SPTLC2: variants seen among roughly 807,000 people sequenced by gnomAD.
SPTLC2 encodes serine palmitoyltransferase 2.
Under a neutral mutation model 62.0 loss-of-function variants are expected in SPTLC2, and 21 were observed. That is an observed-to-expected ratio of 0.34 (90% CI 0.24 to 0.49). SPTLC2 has a LOEUF of 0.49. SPTLC2 is among the 20% of genes least tolerant of loss of function. The pLI, the probability that SPTLC2 is intolerant of heterozygous loss-of-function variation, is 0.99. For missense variants in SPTLC2, 511 were observed against 713.0 expected, an observed-to-expected ratio of 0.72 and a Z score of 3.23; for synonymous variants, 261 against 261.8, an observed-to-expected ratio of 1.00 and a Z score of 0.03.
intron 2 of SPTLC2, 86 bp from the exon 3 acceptor site, chr14:77,579,195 T>C (rs1264839537): frequency 2.6e-5 from 36 of 1,411,576 alleles, no homozygotes; most frequent in Non-Finnish European, 3.3e-5. Context: ...CTTTTATTTA[T>C]GTAAATTTAT....
intron 5 of SPTLC2, among the ~76,000 whole-genome samples, chr14:77,565,921 CTAAAT>C (rs2079642546): frequency 6.6e-6 from 1 of 151,794 alleles, no homozygotes; most frequent in African/African-American, 2.4e-5. Flanking sequence ...TTTTGTAAGT[CTAAAT>C]TAAAGTTTCA....
intron 1 of SPTLC2, among the ~76,000 whole-genome samples, chr14:77,615,885 T>G (rs1021856655): frequency 6.6e-6 from 1 of 152,116 alleles, no homozygotes; most frequent in Non-Finnish European, 1.5e-5. Flanking sequence ...AGGGACCAGC[T>G]TGGATTCCCT....
At chr14:77,522,890 G>C (rs535875126) in intron 9 of SPTLC2, among the ~76,000 whole-genome samples, 5 of 152,290 alleles carry the variant, frequency 3.3e-5, no homozygotes, top group Admixed American at 1.3e-4. Context: ...AGCTAACAAT[G>C]TCCTTAGAAT....
intron 2 of SPTLC2, among the ~76,000 whole-genome samples, chr14:77,591,817 T>TAA (rs2079819232): frequency 6.6e-6 from 1 of 151,970 alleles, no homozygotes; most frequent in Non-Finnish European, 1.5e-5. Context: ...TCCACCTCTC[T>TAA]GGTTCAAGTG....
chr14:77,551,964 T>C (rs2079557905), intron 9 of SPTLC2, 132 bp downstream of exon 9: 2 of 1,382,424 alleles, frequency 1.4e-6, no homozygotes, highest in East Asian at 2.5e-5. Context: ...AAAGTGTCCA[T>C]GGAAACCACA....
chr14:77,559,058 G>A (rs558697550), intron 6 of SPTLC2, among the ~76,000 whole-genome samples: 13 of 152,272 alleles, frequency 8.5e-5, no homozygotes, highest in African/African-American at 2.2e-4. Flanking sequence ...GGTGGCTCAC[G>A]CCTGTAATCT....
At chr14:77,575,746 T>C (rs750322241) in intron 4 of SPTLC2, among the ~76,000 whole-genome samples, 1 of 152,214 alleles carries the variant, frequency 6.6e-6, no homozygotes, top group Non-Finnish European at 1.5e-5. Context: ...TTGCTCAGAC[T>C]GGTCTCGAAC....
rs144673769 is a variant in SPTLC2, at chr14:77,565,569, A to G, written c.757-3080T>C. On this transcript the variant is annotated intron_variant, in intron 5 of 11. Transcript: ENST00000216484. The stretch of plus-strand genomic sequence containing the variant: ...AATAACGCACGGACTCAATCAAACC[A>G]TAACAACACAACAGACAGACCCAAA... 3.3e-5 allele frequency among the ~76,000 whole-genome samples: 5 copies of G among 152,326 alleles called. No individual in the cohort carries two copies. In the South Asian group the frequency reaches 6.2e-4, roughly 19 times the overall value.
intron 2 of SPTLC2, among the ~76,000 whole-genome samples, chr14:77,583,855 G>C (rs546396438): frequency 2.6e-5 from 4 of 152,196 alleles, no homozygotes; most frequent in Non-Finnish European, 5.9e-5. Flanking sequence ...TGATAAGGGA[G>C]TGACAATGGT....
rs375918266 is a variant in SPTLC2, at chr14:77,611,378, G to A, written c.132+5070C>T. On this transcript the variant is annotated intron_variant, in intron 1 of 11. Transcript: ENST00000216484. Reference sequence around the variant, plus strand: ...CTTGGGAGGCTGAGATGGGAGGATCGCTTGAGCCCGAGAAGTTGAGGCCGC... The same window carrying A: ...CTTGGGAGGCTGAGATGGGAGGATCACTTGAGCCCGAGAAGTTGAGGCCGC... Among the ~76,000 whole-genome samples the A allele has an allele frequency of 1.5e-4, 22 of 146,856 alleles. No individual in the cohort carries two copies. In the East Asian group the frequency reaches 2.8e-3, roughly 19 times the overall value.
intron 1 of SPTLC2, among the ~76,000 whole-genome samples, chr14:77,613,884 T>C (rs2079951047): frequency 6.6e-6 from 1 of 152,240 alleles, no homozygotes; most frequent in African/African-American, 2.4e-5. Flanking sequence ...TAAGATATTG[T>C]ATTGCTCTCA....
intron 5 of SPTLC2, among the ~76,000 whole-genome samples, chr14:77,562,780 T>A (rs1349550560): frequency 1.3e-5 from 2 of 152,202 alleles, no homozygotes; most frequent in Non-Finnish European, 2.9e-5. Flanking sequence ...ATCTAAAACA[T>A]GACACATCCG....
intron 2 of SPTLC2, 130 bp downstream of exon 2, chr14:77,597,056 A>G (rs1343891036): frequency 9.2e-6 from 8 of 869,394 alleles, no homozygotes; most frequent in Non-Finnish European, 1.4e-5. Context: ...GAATGTTTTC[A>G]TTTAACTGCA....
intron 3 of SPTLC2, 106 bp downstream of exon 3, chr14:77,578,849 C>T: frequency 8.3e-7 from 1 of 1,207,726 alleles, no homozygotes; most frequent in Admixed American, 1.8e-5. Flanking sequence ...GTATCCTCAG[C>T]TGCTACTCCT....
Position 77,518,104 on chromosome 14 carries a change from G to A in SPTLC2, c.1503C>T (p.Thr501=), listed in dbSNP as rs2079367647. 1 of 1,613,888 alleles carries A rather than the reference G, an allele frequency of 6.2e-7. No individual in the cohort carries two copies. Among genetic ancestry groups the A allele is most frequent in the African/African-American group, 1.3e-5 (1 of 74,830 alleles). ...IGVVVVGFPA[T]PIIESRARFC... is the part of the protein sequence containing the mutation. ...ACCTGGCTCTGGACTCAATAATTGG[G>A]GTGGCAGGAAATCCAACCACAACGA... Residue 501 remains threonine (T), a synonymous_variant, in exon 11 of 12, where the codon ACC becomes ACT. Coordinates refer to ENST00000216484, the MANE Select transcript of SPTLC2 (RefSeq NM_004863.4).
At chr14:77,612,885 TTAAAAC>T (rs2079945609) in intron 1 of SPTLC2, among the ~76,000 whole-genome samples, 1 of 152,158 alleles carries the variant, frequency 6.6e-6, no homozygotes. Flanking sequence ...TAATATCTCA[TTAAAAC>T]TACACCCAAA....
At chr14:77,580,966 A>T (rs2057528054) in intron 2 of SPTLC2, among the ~76,000 whole-genome samples, 1 of 152,382 alleles carries the variant, frequency 6.6e-6, no homozygotes, top group Non-Finnish European at 1.5e-5. Context: ...TTAAGTCTGT[A>T]AAAAATCAAG....
At chr14:77,527,110 T>TA (rs1438026293) in intron 9 of SPTLC2, among the ~76,000 whole-genome samples, 4 of 125,856 alleles carry the variant, frequency 3.2e-5, no homozygotes, top group African/African-American at 6.0e-5. Context: ...TTTTTTTTTT[T>TA]AATTGAGATG....
chr14:77,615,514 A>G (rs2079961762), intron 1 of SPTLC2, among the ~76,000 whole-genome samples: 1 of 152,236 alleles, frequency 6.6e-6, no homozygotes, highest in Non-Finnish European at 1.5e-5. Context: ...AAACGTATTA[A>G]AGTCAACTGC....
Sources: allele counts gnomAD v4.1 joint callset (sites outside exome capture counted in the v4.1 genomes callset), GRCh38; gene constraint gnomAD v4.1.1; transcripts MANE v1.5; gene names NCBI Gene and HGNC (gene_info 2026-07-23, HGNC 2026-07-21).